The following NCOR2 variants were observed in gnomAD, a reference collection of about 807,000 sequenced individuals.
NCOR2 encodes CTG repeat protein 26.
NCOR2 carries 81 observed loss-of-function variants against 262.9 expected under a neutral mutation model. The ratio of observed to expected loss-of-function variants is 0.31; its 90% CI spans 0.26 to 0.37. The LOEUF (loss-of-function observed/expected upper bound fraction) is 0.37. Among genes scored for constraint, NCOR2 ranks in the 10% least tolerant of loss-of-function variants. NCOR2 has a pLI of 1.00. For synonymous variants in NCOR2, 1,659 were observed against 1,559.3 expected (o/e 1.06, Z -1.51); for missense variants, 3,385 against 3,621.4 (o/e 0.93, Z 1.68).
chr12:124,334,464 C>T, exon 41 of NCOR2: 3 of 1,488,456 alleles, frequency 2.0e-6, no homozygotes, highest in Non-Finnish European at 2.7e-6. Context: ...CGGGCCGGGG[C>T]ACCATGGTCC....
chr12:124,389,046 G>A lies in NCOR2; in HGVS notation c.1877-3159C>T, dbSNP rs559614163. Among the ~76,000 whole-genome samples, 11 of 152,330 alleles carry A rather than the reference G, an allele frequency of 7.2e-5. No individual in the cohort carries two copies. The highest frequency in any genetic ancestry group is 2.4e-4 in the African/African-American group (10 of 41,584). ...GCCGTCCCCAAGCCGCTGTGGGCGC[G>A]CGAGGTGCCCTTCCCCGAGGGTGGT... On this transcript the variant is annotated intron_variant, in intron 16 of 46. Coordinates refer to ENST00000405201, the Ensembl canonical transcript of NCOR2. The surrounding 1 kb of genome is among the most constrained non-coding windows in gnomAD (Gnocchi z 4.4).
rs2042041734 is a variant in NCOR2, at chr12:124,402,578, G to A, written c.1483-17C>T. 9.7e-6 allele frequency: 15 copies of A among 1,551,702 alleles called. No individual in the cohort carries two copies. Among genetic ancestry groups the A allele is most frequent in the Non-Finnish European group, 1.3e-5 (15 of 1,148,604 alleles). The stretch of plus-strand genomic sequence containing the variant: ...TTGCTGCTGCTGTCAGACCCCGGGG[G>A]AGGGCAGAGGGGAGTGGGGAGGGAA... On this transcript the variant is annotated splice_polypyrimidine_tract_variant and intron_variant, in intron 13 of 46. Coordinates refer to ENST00000405201, the Ensembl canonical transcript of NCOR2.
chr12:124,343,373 C>T (rs2036617438), intron 32 of NCOR2, 147 bp from the exon 35 acceptor site: 1 of 630,646 alleles, frequency 1.6e-6, no homozygotes, highest in African/African-American at 1.8e-5. Context: ...TTTTTGCTCA[C>T]TGACTCATTT....
At chr12:124,463,335 GCCT>G (rs1375147852) in intron 5 of NCOR2, among the ~76,000 whole-genome samples, 1 of 152,162 alleles carries the variant, frequency 6.6e-6, no homozygotes, top group African/African-American at 2.4e-5. Context: ...CCCACCCGCT[GCCT>G]CCAAGAAGCC....
At chr12:124,511,607 C>T (rs1257494454) in intron 1 of NCOR2, among the ~76,000 whole-genome samples, 3 of 152,256 alleles carry the variant, frequency 2.0e-5, no homozygotes, top group Non-Finnish European at 2.9e-5. Flanking sequence ...GAGGGGACAG[C>T]GAACAGCAGG....
chr12:124,391,691 CA>C (rs1388203711), intron 16 of NCOR2, among the ~76,000 whole-genome samples: 1 of 152,244 alleles, frequency 6.6e-6, no homozygotes, highest in African/African-American at 2.4e-5. Flanking sequence ...TTTCAAAAAT[CA>C]GCCTCGCTAT....
chr12:124,359,725 C>T (rs372841334), intron 22 of NCOR2, among the ~76,000 whole-genome samples: 1 of 152,218 alleles, frequency 6.6e-6, no homozygotes, highest in Non-Finnish European at 1.5e-5. Context: ...TGGGGCTAGG[C>T]CAGGCTGGGC....
chr12:124,476,449 A>G (rs902897397), intron 3 of NCOR2, among the ~76,000 whole-genome samples: 7 of 152,242 alleles, frequency 4.6e-5, no homozygotes, highest in African/African-American at 1.7e-4. Context: ...GAGATAACAG[A>G]GCAAGGACAA....
intron 1 of NCOR2, among the ~76,000 whole-genome samples, chr12:124,512,109 G>A (rs770295649): frequency 3.2e-4 from 49 of 152,164 alleles, no homozygotes; most frequent in African/African-American, 1.2e-3. Flanking sequence ...ACAGGGTCTC[G>A]CCATGTTGCC....
chr12:124,404,879 C>T (rs2042194690), intron 13 of NCOR2, among the ~76,000 whole-genome samples: 1 of 152,234 alleles, frequency 6.6e-6, no homozygotes, highest in Admixed American at 6.5e-5. Flanking sequence ...AACACTATCC[C>T]AGCCTCAGAA....
At chr12:124,363,858 G>A in intron 20 of NCOR2, 59 bp from the exon 23 acceptor site, 1 of 1,293,656 alleles carries the variant, frequency 7.7e-7, no homozygotes, top group Admixed American at 3.1e-5. Context: ...CCAGGGTGGG[G>A]GGGCTGCCCG....
At chr12:124,564,402 GCAGTTCCC>G (rs1464360183) in intron 1 of NCOR2, among the ~76,000 whole-genome samples, 1 of 152,142 alleles carries the variant, frequency 6.6e-6, no homozygotes, top group East Asian at 1.9e-4. Flanking sequence ...GCTCCCACCG[GCAGTTCCC>G]CAGTCTCAAA....
chr12:124,448,038 C>T (rs1314526409), intron 7 of NCOR2, among the ~76,000 whole-genome samples: 1 of 152,236 alleles, frequency 6.6e-6, no homozygotes, highest in Non-Finnish European at 1.5e-5. Context: ...GTTCTGTCTC[C>T]ACTGCTAGAC....
intron 1 of NCOR2, among the ~76,000 whole-genome samples, chr12:124,543,933 AC>A (rs1369891573): frequency 1.3e-5 from 2 of 152,198 alleles, no homozygotes; most frequent in Non-Finnish European, 2.9e-5. Flanking sequence ...TAAGCCCCTT[AC>A]GATGATTAAC....
At chr12:124,398,267 G>C in intron 15 of NCOR2, 86 bp from the exon 18 acceptor site, 1 of 1,444,718 alleles carries the variant, frequency 6.9e-7, no homozygotes, top group Non-Finnish European at 9.7e-7. Context: ...GAGCCAGGGA[G>C]GGAGTAGACC....
At chr12:124,404,418 G>A (rs1001825986) in intron 13 of NCOR2, among the ~76,000 whole-genome samples, 8 of 152,172 alleles carry the variant, frequency 5.3e-5, no homozygotes, top group Admixed American at 1.3e-4. Context: ...GGGCTGTGGC[G>A]TCCCTCCCGA....
intron 27 of NCOR2, among the ~76,000 whole-genome samples, chr12:124,351,215 G>A (rs962189105): frequency 6.6e-6 from 1 of 152,184 alleles, no homozygotes; most frequent in African/African-American, 2.4e-5. Flanking sequence ...AACTGGCGGG[G>A]ACGCTGGGGT....
chr12:124,393,516 C>A (rs2041457254), intron 16 of NCOR2, among the ~76,000 whole-genome samples: 1 of 152,238 alleles, frequency 6.6e-6, no homozygotes, highest in Non-Finnish European at 1.5e-5. Flanking sequence ...CCGGTGGCCC[C>A]TCTACCTTCT....
At chr12:124,524,364 C>CTATCCT (rs2050346370) in intron 1 of NCOR2, among the ~76,000 whole-genome samples, 1 of 152,218 alleles carries the variant, frequency 6.6e-6, no homozygotes, top group Admixed American at 6.5e-5. Flanking sequence ...CCCCTTATCC[C>CTATCCT]TTCTTTGGCC....
Sources: allele counts gnomAD v4.1 joint callset (sites outside exome capture counted in the v4.1 genomes callset), GRCh38; gene constraint gnomAD v4.1.1; non-coding constraint Gnocchi (gnomAD v3.1); transcripts MANE v1.5; gene names NCBI Gene and HGNC (gene_info 2026-07-23, HGNC 2026-07-21).